The following SVOPL variants were observed in gnomAD, a reference collection of about 807,000 sequenced individuals.
SVOPL encodes the protein SVOP like.
SVOPL carries 60 observed loss-of-function variants against 61.0 expected under a neutral mutation model. That is an observed-to-expected ratio of 0.98 (90% CI 0.80 to 1.22). The LOEUF is 1.22. SVOPL is among the 50% of genes most tolerant of loss of function. The pLI, the probability that SVOPL is intolerant of heterozygous loss-of-function variation, is 0.00. For synonymous variants in SVOPL, 279 were observed against 250.0 expected (o/e 1.12, Z -1.09); for missense variants, 662 against 643.9 (o/e 1.03, Z -0.30).
intron 8 of SVOPL, among the ~76,000 whole-genome samples, chr7:138,645,157 C>T (rs942784254): frequency 2.0e-5 from 3 of 152,172 alleles, no homozygotes; most frequent in Admixed American, 6.5e-5. Flanking sequence ...GCCACTGCTG[C>T]GGGCACCCCT....
rs1432462368 is a variant in SVOPL at position 138,663,934 on chromosome 7, T to TAAAG, written c.274-790_274-789insCTTT. Among the ~76,000 whole-genome samples, 63 of 152,282 alleles carry TAAAG rather than the reference T, an allele frequency of 4.1e-4. No homozygotes were observed. The South Asian group carries it at 0.011, about 28-fold the overall frequency. On this transcript the variant is annotated intron_variant, in intron 4 of 15. Transcript: ENST00000674285. ...CTTTTTTTCTCCTTCCTTCACTCTTTAGAGGGAAGACTGAAATGCATTTCT... is the reference window on the plus strand; with the variant it reads ...CTTTTTTTCTCCTTCCTTCACTCTTTAAAGAGAGGGAAGACTGAAATGCATTTCT...
chr7:138,622,108 A>G (rs1157680998), intron 13 of SVOPL, among the ~76,000 whole-genome samples: 1 of 128,050 alleles, frequency 7.8e-6, no homozygotes, highest in African/African-American at 2.6e-5. Context: ...CTATCTATCT[A>G]TCTATCTATC....
chr7:138,672,114 C>G lies in SVOPL; in HGVS notation c.178G>C (p.Val60Leu), dbSNP rs1274130746. The change falls in exon 4 of 16, where the codon GTT becomes CTT. Residue 60 changes from valine to leucine, a missense_variant. Transcript: ENST00000674285. ...LFLIMGSTGV[V>L]EAMEIMLIAV... is the part of the protein sequence containing the mutation. ...ATCAACATGATCTCCATGGCCTCAA[C>G]CACCTTAAAGAAGAGGGACACCATG... 3 of 1,551,654 alleles carry G rather than the reference C, an allele frequency of 1.9e-6. No homozygotes were observed. The highest frequency in any genetic ancestry group is 2.0e-5 in the Admixed American group (1 of 51,004).
At chr7:138,694,369 C>G (rs935461394) in intron 1 of SVOPL, among the ~76,000 whole-genome samples, 1 of 151,356 alleles carries the variant, frequency 6.6e-6, no homozygotes, top group African/African-American at 2.4e-5. Flanking sequence ...CTCAGCCTCC[C>G]CAGTAGCTGG....
At chr7:138,633,783 C>T (rs1800334365) in intron 9 of SVOPL, among the ~76,000 whole-genome samples, 1 of 152,134 alleles carries the variant, frequency 6.6e-6, no homozygotes, top group South Asian at 2.1e-4. Context: ...ACGATATTTG[C>T]ATTACTATGG....
At chr7:138,632,429 C>T (rs182020935) in intron 9 of SVOPL, among the ~76,000 whole-genome samples, 69 of 151,070 alleles carry the variant, frequency 4.6e-4, no homozygotes, top group Non-Finnish European at 8.7e-4. Flanking sequence ...AGCAAGACTC[C>T]ATCTCAAAAA....
In SVOPL at chr7:138,647,847, C is replaced by CAAA. The variant is rs33996391; in HGVS notation, c.660+1162_660+1164dup. Among the ~76,000 whole-genome samples the CAAA allele has an allele frequency of 5.8e-5, 6 of 102,724 alleles. No homozygotes were observed. In the South Asian group the frequency reaches 1.7e-3, roughly 28 times the overall value. The allele number at this position is 102,724 out of a possible 152,430, so 67.4% of individuals were successfully genotyped here. A position where few individuals can be genotyped will look rare whatever the true frequency, so the allele number is the denominator to read the frequency against. ...TGGGCAATAGAGTAAGACTCCGTTT[C>CAAA]AAAAAAAAAAAAAAAAAAAATAGTC... On this transcript the variant is annotated intron_variant, in intron 8 of 15. Transcript: ENST00000674285.
At chr7:138,602,030 T>C (rs1006910701) in intron 14 of SVOPL, among the ~76,000 whole-genome samples, 2 of 152,210 alleles carry the variant, frequency 1.3e-5, no homozygotes, top group East Asian at 1.9e-4. Flanking sequence ...GCTCAATAAC[T>C]GTATGTTAAA....
At chr7:138,659,521 C>T (rs1801907054) in intron 6 of SVOPL, among the ~76,000 whole-genome samples, 1 of 151,372 alleles carries the variant, frequency 6.6e-6, no homozygotes, top group South Asian at 2.1e-4. Context: ...AATATGTTAA[C>T]ATCTACCTGT....
intron 2 of SVOPL, 91 bp from the exon 3 acceptor site, chr7:138,678,616 T>C: frequency 3.1e-6 from 4 of 1,296,234 alleles, no homozygotes; most frequent in East Asian, 2.5e-5. Flanking sequence ...CCCATTATTA[T>C]AAAAACAAGT....
At chr7:138,696,101 G>T (rs1803059559) in intron 1 of SVOPL, among the ~76,000 whole-genome samples, 1 of 152,026 alleles carries the variant, frequency 6.6e-6, no homozygotes, top group Non-Finnish European at 1.5e-5. Context: ...TTTTTAGAAA[G>T]ACTGTTTTCC....
intron 9 of SVOPL, among the ~76,000 whole-genome samples, chr7:138,632,567 T>G (rs1800260329): frequency 2.0e-5 from 3 of 146,806 alleles, no homozygotes; most frequent in South Asian, 2.2e-4. Flanking sequence ...AGAGGGAAGG[T>G]GAAGAATGGG....
chr7:138,666,105 T>C (rs1352981571), intron 4 of SVOPL, among the ~76,000 whole-genome samples: 1 of 152,270 alleles, frequency 6.6e-6, no homozygotes, highest in Non-Finnish European at 1.5e-5. Flanking sequence ...TACTGATCCT[T>C]GTAGCCAAGG....
intron 8 of SVOPL, among the ~76,000 whole-genome samples, chr7:138,647,395 GA>G (rs1801171202): frequency 1.3e-5 from 2 of 151,086 alleles, no homozygotes; most frequent in South Asian, 4.2e-4. Context: ...AAAGAAAAAT[GA>G]AAAAAAGATG....
chr7:138,674,249 G>A (rs1433402322), intron 3 of SVOPL, among the ~76,000 whole-genome samples: 3 of 151,550 alleles, frequency 2.0e-5, no homozygotes, highest in Non-Finnish European at 4.4e-5. Flanking sequence ...TAGGAGTCCT[G>A]GTCACAGGCT....
chr7:138,611,867 G>C (rs1584779234), intron 14 of SVOPL, among the ~76,000 whole-genome samples: 3 of 79,104 alleles, frequency 3.8e-5, no homozygotes, highest in Non-Finnish European at 7.7e-5. Flanking sequence ...TGCAGCCTCT[G>C]CCCGGCCGCC....
intron 1 of SVOPL, among the ~76,000 whole-genome samples, chr7:138,699,079 G>A (rs1562921747): frequency 6.6e-6 from 1 of 152,184 alleles, no homozygotes; most frequent in Non-Finnish European, 1.5e-5. Flanking sequence ...TTGAACCCAG[G>A]AGGCGGAGGT....
chr7:138,672,055 C>G lies in SVOPL; in HGVS notation c.237G>C (p.Trp79Cys). 1 of 1,551,684 alleles carries G rather than the reference C, an allele frequency of 6.4e-7. No homozygotes were observed. The highest frequency in any genetic ancestry group is 8.7e-7 in the Non-Finnish European group (1 of 1,146,992). The change falls in exon 4 of 16, where the codon TGG (tryptophan) becomes TGC (cysteine). Residue 79 changes from tryptophan to cysteine, a missense_variant. Coordinates refer to ENST00000674285, the MANE Select transcript of SVOPL (RefSeq NM_001139456.2). ...ATGCCACCTGCCAATTCTCCAGTTGCCATTCACAGCGGATGACAGGAGACA... is the reference window on the plus strand; with the variant it reads ...ATGCCACCTGCCAATTCTCCAGTTGGCATTCACAGCGGATGACAGGAGACA... ...AVVSPVIRCE[W>C]QLENWQVALV...
intron 14 of SVOPL, chr7:138,597,323 T>A (rs1798321929): frequency 1.0e-6 from 1 of 994,776 alleles, no homozygotes; most frequent in Admixed American, 2.6e-5. Flanking sequence ...TTTCTTCCCT[T>A]TACAGATGAG....
Sources: allele counts gnomAD v4.1 joint callset (sites outside exome capture counted in the v4.1 genomes callset), GRCh38; gene constraint gnomAD v4.1.1; transcripts MANE v1.5; gene names NCBI Gene and HGNC (gene_info 2026-07-23, HGNC 2026-07-21).